The following PDXDC1 variants were observed in gnomAD, a reference collection of about 807,000 sequenced individuals.
PDXDC1 encodes pyridoxal-dependent decarboxylase domain-containing protein 1.
In PDXDC1, 42 loss-of-function variants were observed where a neutral mutation model predicts 100.1. The observed-to-expected ratio is 0.42, with a 90% CI of 0.33 to 0.54. The LOEUF (loss-of-function observed/expected upper bound fraction) is 0.54, where lower values mean the gene tolerates loss of function less well. Among genes scored for constraint, PDXDC1 ranks in the 20% least tolerant of loss-of-function variants. The probability of loss-of-function intolerance (pLI) is 0.10; values close to 1 mark genes in which losing one functional copy is unlikely to be tolerated. For synonymous variants in PDXDC1, 260 were observed against 371.7 expected (o/e 0.70, Z 3.46); for missense variants, 636 against 979.2 (o/e 0.65, Z 4.68).
At chr16:15,055,311 C>T (rs962190304) in intron 16 of PDXDC1, among the ~76,000 whole-genome samples, 5 of 152,184 alleles carry the variant, frequency 3.3e-5, no homozygotes, top group Admixed American at 1.3e-4. Flanking sequence ...AGGGCGTGGT[C>T]CTATGGCCCA....
At chr16:15,140,832 G>T (rs1328033229), downstream of PDXDC1, among the ~76,000 whole-genome samples, 1 of 152,058 alleles carries the variant, frequency 6.6e-6, no homozygotes, top group African/African-American at 2.4e-5. Context: ...CTGGCACAGG[G>T]ACTGTGGCTC....
intron 16 of PDXDC1, among the ~76,000 whole-genome samples, chr16:15,062,579 G>T (rs923428035): frequency 2.6e-5 from 4 of 152,196 alleles, no homozygotes; most frequent in African/African-American, 9.7e-5. Flanking sequence ...AGGGTATGTT[G>T]CAACCTGCGT....
At chr16:15,150,389 A>AT in the PDXDC1 span, among the ~76,000 whole-genome samples, 2 of 150,684 alleles carry the variant, frequency 1.3e-5, no homozygotes, top group African/African-American at 2.4e-5. Context: ...AAATAAATAA[A>AT]AGACATCACT....
intron 16 of PDXDC1, among the ~76,000 whole-genome samples, chr16:15,079,378 C>T (rs1364778548): frequency 6.6e-6 from 1 of 152,184 alleles, no homozygotes; most frequent in Non-Finnish European, 1.5e-5. Context: ...AAATCACTTC[C>T]GTAAGAATCC....
rs191473098 is a variant in PDXDC1, at chr16:14,993,358, G to A, written c.22-4395G>A. ...CTTCCTGTGTCCATGTATTCTCATTGTTCATTTCCCACCTATGAGTGAGAA... is the reference window on the plus strand; with the variant it reads ...CTTCCTGTGTCCATGTATTCTCATTATTCATTTCCCACCTATGAGTGAGAA... On this transcript the variant is annotated intron_variant, in intron 1 of 22. Transcript: ENST00000396410. Among the ~76,000 whole-genome samples, 6 of 139,076 alleles carry A rather than the reference G, an allele frequency of 4.3e-5. No homozygotes were observed. The East Asian group carries it at 1.3e-3, about 31-fold the overall frequency. 91.2% of individuals were successfully genotyped at this position (139,076 alleles called of 152,430 possible).
At chr16:15,029,784 T>C (rs2042918932) in intron 15 of PDXDC1, 167 bp from the exon 16 acceptor site, 2 of 599,982 alleles carry the variant, frequency 3.3e-6, no homozygotes, top group Non-Finnish European at 5.9e-6. Flanking sequence ...GAAAAAACCA[T>C]AAAATTTACT....
At chr16:14,977,311 G>A (rs1271959582) in intron 1 of PDXDC1, among the ~76,000 whole-genome samples, 1 of 135,172 alleles carries the variant, frequency 7.4e-6, no homozygotes, top group Non-Finnish European at 1.5e-5. Context: ...AGGGAGTCTC[G>A]GTCTCTTGCC....
At position 15,036,421 on chromosome 16, in the gene PDXDC1, G is replaced by C; in HGVS notation, c.*146G>C. On this transcript the variant is annotated 3_prime_UTR_variant, in exon 23 of 23. Coordinates refer to ENST00000396410, the MANE Select transcript of PDXDC1 (RefSeq NM_015027.4). ...TTTGGCACAAATATGTGCCTGAAAG[G>C]TAGGCTTTCTAGGAGGGGAGTCAGC... The C allele has an allele frequency of 1.3e-6, 1 of 772,870 alleles. No homozygotes were observed. 47.9% of individuals were successfully genotyped at this position (772,870 alleles called of 1,614,324 possible). A position where few individuals can be genotyped will look rare whatever the true frequency, so the allele number is the denominator to read the frequency against.
chr16:15,124,856 G>A (rs1305687699), intron 16 of PDXDC1, among the ~76,000 whole-genome samples: 1 of 149,032 alleles, frequency 6.7e-6, no homozygotes, highest in African/African-American at 2.5e-5. Flanking sequence ...CCATGTTCCA[G>A]CCCTAGATTT....
At chr16:15,074,865 T>G in intron 16 of PDXDC1, 9 of 1,603,664 alleles carry the variant, frequency 5.6e-6, no homozygotes, top group Non-Finnish European at 7.7e-6. Flanking sequence ...CTTCATCCTT[T>G]GAAGACAAAA....
chr16:15,033,761 T>C (rs2043217970), intron 19 of PDXDC1, among the ~76,000 whole-genome samples: 1 of 152,182 alleles, frequency 6.6e-6, no homozygotes, highest in African/African-American at 2.4e-5. Flanking sequence ...TGAAATGGGC[T>C]GTTGTATGTG....
intron 14 of PDXDC1, among the ~76,000 whole-genome samples, chr16:15,028,239 C>T (rs1381197363): frequency 2.0e-5 from 3 of 152,290 alleles, no homozygotes; most frequent in Admixed American, 6.5e-5. Flanking sequence ...TAACACTCGG[C>T]GTTCCCTCTG....
chr16:15,076,736 G>A (rs944306568), intron 16 of PDXDC1: 11 of 911,330 alleles, frequency 1.2e-5, no homozygotes, highest in East Asian at 7.8e-5. Context: ...TCTGATATAC[G>A]CATGTTCAAG....
At chr16:15,030,502 C>T (rs1422498035) in intron 16 of PDXDC1, among the ~76,000 whole-genome samples, 3 of 142,956 alleles carry the variant, frequency 2.1e-5, no homozygotes, top group African/African-American at 5.2e-5. Flanking sequence ...GCTGAGATTA[C>T]ACCACTGCAC....
At chr16:15,059,076 T>C (rs1411504106) in intron 16 of PDXDC1, among the ~76,000 whole-genome samples, 1 of 152,216 alleles carries the variant, frequency 6.6e-6, no homozygotes, top group Admixed American at 6.5e-5. Flanking sequence ...TGTACACCAA[T>C]GAACAGTTCT....
At chr16:15,106,622 G>A (rs1330372177) in intron 16 of PDXDC1, among the ~76,000 whole-genome samples, 2 of 149,058 alleles carry the variant, frequency 1.3e-5, no homozygotes, top group Non-Finnish European at 3.0e-5. Flanking sequence ...GGGCGTGGTG[G>A]CAGGCACCTG....
chr16:15,132,445 G>A (rs1213919731), intron 16 of PDXDC1, among the ~76,000 whole-genome samples: 4 of 141,778 alleles, frequency 2.8e-5, no homozygotes, highest in African/African-American at 1.1e-4. Flanking sequence ...GGAGGGGAGG[G>A]GAGAGTGGAA....
At chr16:15,085,164 C>A (rs2045868283) in intron 16 of PDXDC1, among the ~76,000 whole-genome samples, 1 of 152,192 alleles carries the variant, frequency 6.6e-6, no homozygotes, top group Non-Finnish European at 1.5e-5. Flanking sequence ...CAAGATTTTT[C>A]TCCACCAGCA....
chr16:15,034,130 G>A (rs1205510782), intron 19 of PDXDC1, 156 bp from the exon 20 acceptor site: 2 of 638,284 alleles, frequency 3.1e-6, no homozygotes, highest in East Asian at 2.7e-5. Context: ...CATGTTATCT[G>A]CTTGTCTTTG....
Sources: gnomAD v4.1 joint callset for allele counts (sites outside exome capture counted in the v4.1 genomes callset) on GRCh38, gnomAD v4.1.1 for gene constraint, MANE v1.5 for transcripts, NCBI Gene and HGNC (gene_info 2026-07-23, HGNC 2026-07-21) for gene names.